ARHGAP24: variants seen among roughly 807,000 people sequenced by gnomAD.
ARHGAP24 encodes the protein Rho GTPase activating protein 24.
In ARHGAP24, 50 loss-of-function variants were observed where a neutral mutation model predicts 76.4. The ratio of observed to expected loss-of-function variants is 0.65; its 90% CI spans 0.52 to 0.83. ARHGAP24 has a LOEUF of 0.83. Ranked by LOEUF, ARHGAP24 falls within the 40% of genes least tolerant of loss-of-function variation. The probability of loss-of-function intolerance (pLI) is 0.00; values close to 1 mark genes in which losing one functional copy is unlikely to be tolerated. For missense variants in ARHGAP24, 930 were observed against 914.2 expected (o/e 1.02, Z -0.22); for synonymous variants, 345 against 323.3 (o/e 1.07, Z -0.72).
At chr4:85,795,216 G>A (rs1002051484) in intron 3 of ARHGAP24, among the ~76,000 whole-genome samples, 2 of 152,142 alleles carry the variant, frequency 1.3e-5, no homozygotes, top group African/African-American at 4.8e-5. Context: ...TTTATACAAA[G>A]TTCATACATA....
chr4:85,495,622 G>A (rs1723548614), intron 1 of ARHGAP24, among the ~76,000 whole-genome samples: 1 of 152,008 alleles, frequency 6.6e-6, no homozygotes, highest in Non-Finnish European at 1.5e-5. Flanking sequence ...AAAGTGCTGG[G>A]ATTACAGGCG....
chr4:85,896,623 A>T (rs977935764), intron 3 of ARHGAP24, among the ~76,000 whole-genome samples: 1 of 152,150 alleles, frequency 6.6e-6, no homozygotes, highest in African/African-American at 2.4e-5. Flanking sequence ...ATAGGGCTAA[A>T]TCTATATCCA....
intron 5 of ARHGAP24, among the ~76,000 whole-genome samples, chr4:85,949,056 A>G (rs1737450256): frequency 6.6e-6 from 1 of 152,200 alleles, no homozygotes; most frequent in Non-Finnish European, 1.5e-5. Flanking sequence ...CCACAAGTTC[A>G]CCAAGAATGT....
At chr4:85,512,993 C>T (rs1454849532) in intron 1 of ARHGAP24, among the ~76,000 whole-genome samples, 1 of 152,190 alleles carries the variant, frequency 6.6e-6, no homozygotes, top group Non-Finnish European at 1.5e-5. Flanking sequence ...TGTGCTTGGC[C>T]ATGGGAGTTA....
chr4:85,558,616 A>G (rs72654089), intron 1 of ARHGAP24, among the ~76,000 whole-genome samples: 16,403 of 152,082 alleles, frequency 0.11, 1,282 homozygotes, highest in African/African-American at 0.22. Context: ...CCATACCTCC[A>G]TATAAGAAAC....
intron 3 of ARHGAP24, among the ~76,000 whole-genome samples, chr4:85,886,524 A>T (rs970284911): frequency 1.3e-5 from 2 of 152,170 alleles, no homozygotes; most frequent in Non-Finnish European, 2.9e-5. Flanking sequence ...ATCACCACTA[A>T]AATAAACACT....
At chr4:85,484,945 G>C (rs901652856) in intron 1 of ARHGAP24, among the ~76,000 whole-genome samples, 10 of 152,074 alleles carry the variant, frequency 6.6e-5, no homozygotes, top group Non-Finnish European at 1.5e-4. Flanking sequence ...ATGGTTGGTA[G>C]GCTGTATTTG....
At chr4:85,491,321 T>C (rs1723348672) in intron 1 of ARHGAP24, among the ~76,000 whole-genome samples, 1 of 152,194 alleles carries the variant, frequency 6.6e-6, no homozygotes, top group African/African-American at 2.4e-5. Context: ...AAAATAACAA[T>C]TTTGTTATCT....
intron 2 of ARHGAP24, among the ~76,000 whole-genome samples, chr4:85,591,603 A>T (rs893923883): frequency 4.6e-5 from 7 of 152,242 alleles, no homozygotes; most frequent in Admixed American, 3.9e-4. Flanking sequence ...ACAAGCCATT[A>T]GTCACAAGTC....
intron 3 of ARHGAP24, among the ~76,000 whole-genome samples, chr4:85,905,744 T>C (rs749933889): frequency 1.3e-4 from 20 of 152,202 alleles, no homozygotes; most frequent in Admixed American, 9.8e-4. Flanking sequence ...GATAATAAAT[T>C]GCCATAGTAG....
chr4:85,490,994 T>C (rs1723331904), intron 1 of ARHGAP24, among the ~76,000 whole-genome samples: 1 of 152,234 alleles, frequency 6.6e-6, no homozygotes, highest in Admixed American at 6.5e-5. Flanking sequence ...CTTAATATAA[T>C]AGGTTTGTTT....
Position 85,865,178 on chromosome 4 carries a change from A to G in ARHGAP24, c.269-58470A>G, listed in dbSNP as rs181811192. Among the ~76,000 whole-genome samples, 8 of 152,098 alleles carry G rather than the reference A, an allele frequency of 5.3e-5. 1 individual carries two copies. The East Asian group carries it at 1.4e-3, about 26-fold the overall frequency. ...TTGGATGTGTTTCAGAAAAATACCT[A>G]TTTATCTCTTTGCAATATTGTTCTG... On this transcript the variant is annotated intron_variant, in intron 3 of 9. Transcript: ENST00000395184.
intron 2 of ARHGAP24, among the ~76,000 whole-genome samples, chr4:85,589,318 T>G (rs966748836): frequency 1.3e-5 from 2 of 152,196 alleles, no homozygotes; most frequent in African/African-American, 4.8e-5. Flanking sequence ...TAATGTTTCT[T>G]TTAGCTTGAA....
intron 2 of ARHGAP24, among the ~76,000 whole-genome samples, chr4:85,681,586 C>T (rs1305781580): frequency 1.3e-5 from 2 of 152,134 alleles, no homozygotes; most frequent in African/African-American, 4.8e-5. Flanking sequence ...CAAGATCACC[C>T]CAGGAGAGTA....
chr4:85,707,800 C>T (rs1173071127), intron 2 of ARHGAP24, among the ~76,000 whole-genome samples: 7 of 152,050 alleles, frequency 4.6e-5, no homozygotes, highest in Admixed American at 2.6e-4. Context: ...TTACCTCAAC[C>T]GGAAATGAAA....
At chr4:85,661,266 T>G (rs201995362) in intron 2 of ARHGAP24, among the ~76,000 whole-genome samples, 1 of 810 alleles carries the variant, frequency 1.2e-3, no homozygotes, top group Non-Finnish European at 2.3e-3. Flanking sequence ...TGAAATTACA[T>G]TAATTGGAGA....
At chr4:85,753,821 A>G (rs1209052906) in intron 3 of ARHGAP24, among the ~76,000 whole-genome samples, 2 of 152,184 alleles carry the variant, frequency 1.3e-5, no homozygotes, top group Non-Finnish European at 2.9e-5. Flanking sequence ...GGGATATTTC[A>G]ATACCTATAT....
chr4:85,850,753 G>C lies in ARHGAP24; in HGVS notation c.269-72895G>C, dbSNP rs145986453. Among the ~76,000 whole-genome samples the C allele has an allele frequency of 1.4e-3, 209 of 152,282 alleles. 2 individuals carry two copies. The highest frequency in any genetic ancestry group is 4.2e-3 in the African/African-American group (175 of 41,544). On this transcript the variant is annotated intron_variant, in intron 3 of 9. Transcript: ENST00000395184. ...GGTTGTTCAGTTTCCATATAGTTGC[G>C]TGGTTTTTAGTGAGTTTCTTAATTC...
intron 3 of ARHGAP24, among the ~76,000 whole-genome samples, chr4:85,906,453 C>T (rs1433116769): frequency 2.0e-5 from 3 of 152,160 alleles, no homozygotes; most frequent in Admixed American, 6.5e-5. Flanking sequence ...GTGATCCCAT[C>T]TTAATTCTGA....
Sources: gnomAD v4.1 joint callset for allele counts (sites outside exome capture counted in the v4.1 genomes callset) on GRCh38, gnomAD v4.1.1 for gene constraint, MANE v1.5 for transcripts, NCBI Gene and HGNC (gene_info 2026-07-23, HGNC 2026-07-21) for gene names.